CAST: variants seen among roughly 807,000 people sequenced by gnomAD.
CAST encodes the protein calpastatin.
A neutral mutation model predicts 119.6 loss-of-function variants in CAST; 76 were observed. The ratio of observed to expected loss-of-function variants is 0.64; its 90% confidence interval spans 0.53 to 0.77. The LOEUF (loss-of-function observed/expected upper bound fraction) is 0.77. Ranked by LOEUF, CAST falls within the 30% of genes least tolerant of loss-of-function variation. The pLI is 0.00. For synonymous variants in CAST, 319 were observed against 331.6 expected (o/e 0.96, Z 0.41); for missense variants, 953 against 946.5 (o/e 1.01, Z -0.09).
chr5:96,021,699 G>A, the CAST span, among the ~76,000 whole-genome samples: 1 of 151,994 alleles, frequency 6.6e-6, no homozygotes, highest in Non-Finnish European at 1.5e-5. Context: ...TCCCTCCTTG[G>A]CCTCCCAAAG....
At chr5:96,338,619 T>C in the CAST span, among the ~76,000 whole-genome samples, 6,179 of 152,240 alleles carry the variant, frequency 0.041, 432 homozygotes, top group African/African-American at 0.14. Context: ...TAAGTAGAAA[T>C]GTGATTTGGT....
chr5:96,018,202 CA>C, the CAST span, among the ~76,000 whole-genome samples: 5 of 152,274 alleles, frequency 3.3e-5, no homozygotes, highest in South Asian at 8.3e-4. Context: ...AAGTTGAACA[CA>C]TTCAACTTTT....
the CAST span, among the ~76,000 whole-genome samples, chr5:96,349,332 C>A: frequency 6.6e-6 from 1 of 151,588 alleles, no homozygotes; most frequent in Non-Finnish European, 1.5e-5. Context: ...TCACCATTTT[C>A]CTGTGATTAT....
rs77924816 is a variant in CAST, at chr5:96,723,873, A to G, written c.270+1175A>G. On this transcript the variant is annotated intron_variant, in intron 4 of 31. Coordinates refer to ENST00000675179, the MANE Select transcript of CAST (RefSeq NM_001750.7). ...TTTGTTTTCTGTCTTTCATATTACTATGCTATCCCTGTAGTTTCCTATCCC... is the reference window on the plus strand; with the variant it reads ...TTTGTTTTCTGTCTTTCATATTACTGTGCTATCCCTGTAGTTTCCTATCCC... 1.9e-3 allele frequency among the ~76,000 whole-genome samples: 288 copies of G among 152,318 alleles called. 1 individual carries two copies. The highest frequency in any genetic ancestry group is 3.4e-3 in the Non-Finnish European group (234 of 68,032).
chr5:96,704,419 A>C (rs942692452), intron 3 of CAST, among the ~76,000 whole-genome samples: 1 of 152,276 alleles, frequency 6.6e-6, no homozygotes, highest in African/African-American at 2.4e-5. Flanking sequence ...GAATGAAACC[A>C]GAAAGAAAAA....
At chr5:96,359,736 C>G in the CAST span, among the ~76,000 whole-genome samples, 1 of 152,148 alleles carries the variant, frequency 6.6e-6, no homozygotes, top group Non-Finnish European at 1.5e-5. Context: ...TTGTGGGTAA[C>G]CTGACCTTTC....
the CAST span, among the ~76,000 whole-genome samples, chr5:96,465,378 T>C: frequency 6.6e-6 from 1 of 152,146 alleles, no homozygotes; most frequent in South Asian, 2.1e-4. Context: ...TTATTTTTTA[T>C]TCTTACACCT....
At chr5:96,645,031 C>A (rs1032123484) in intron 1 of CAST, among the ~76,000 whole-genome samples, 1 of 152,170 alleles carries the variant, frequency 6.6e-6, no homozygotes, top group African/African-American at 2.4e-5. Flanking sequence ...ATTTATTATT[C>A]CACTAATTCC....
At chr5:96,707,568 G>A (rs1040430637) in intron 3 of CAST, among the ~76,000 whole-genome samples, 2 of 151,982 alleles carry the variant, frequency 1.3e-5, no homozygotes, top group Non-Finnish European at 2.9e-5. Context: ...TGTATTTTTA[G>A]TAGAGACGGG....
At chr5:96,652,080 T>C (rs1748102046) in intron 1 of CAST, among the ~76,000 whole-genome samples, 1 of 152,162 alleles carries the variant, frequency 6.6e-6, no homozygotes, top group African/African-American at 2.4e-5. Flanking sequence ...ACAACTGGGA[T>C]TCAAATCCAT....
chr5:96,265,686 T>A, the CAST span, among the ~76,000 whole-genome samples: 1,222 of 152,266 alleles, frequency 8.0e-3, 22 homozygotes, highest in African/African-American at 0.027. Context: ...AGAAGTAATG[T>A]TTTACCAGTT....
the CAST span, among the ~76,000 whole-genome samples, chr5:96,125,660 G>A: frequency 6.6e-6 from 1 of 152,110 alleles, no homozygotes; most frequent in African/African-American, 2.4e-5. Flanking sequence ...AACTTAAAAT[G>A]GTACACTCAG....
intron 4 of CAST, among the ~76,000 whole-genome samples, chr5:96,725,298 G>A (rs1056144197): frequency 3.3e-5 from 5 of 152,128 alleles, no homozygotes; most frequent in African/African-American, 1.2e-4. Context: ...GGTGATAATA[G>A]TACCTGCCTC....
At chr5:96,455,528 TTTGCTACTTAG>T in the CAST span, among the ~76,000 whole-genome samples, 1 of 152,216 alleles carries the variant, frequency 6.6e-6, no homozygotes, top group Admixed American at 6.5e-5. Flanking sequence ...AGGAAATCCA[TTTGCTACTTAG>T]TTGCAACAGC....
chr5:96,189,859 G>A, the CAST span, among the ~76,000 whole-genome samples: 5,571 of 152,030 alleles, frequency 0.037, 368 homozygotes, highest in African/African-American at 0.13. Context: ...AGTCAAATTC[G>A]AATTGTTTAG....
At chr5:96,384,405 C>T in the CAST span, among the ~76,000 whole-genome samples, 3 of 152,204 alleles carry the variant, frequency 2.0e-5, no homozygotes, top group Non-Finnish European at 4.4e-5. Flanking sequence ...TAAACGAAAG[C>T]TGTCCTTGAC....
chr5:96,063,843 G>A, the CAST span, among the ~76,000 whole-genome samples: 12 of 152,156 alleles, frequency 7.9e-5, no homozygotes, highest in African/African-American at 2.4e-4. Flanking sequence ...TACTGTCAAA[G>A]GTGAGATTTG....
chr5:96,040,582 AG>A, the CAST span, among the ~76,000 whole-genome samples: 2 of 152,156 alleles, frequency 1.3e-5, no homozygotes, highest in Non-Finnish European at 1.5e-5. Context: ...TTTAGCATGA[AG>A]GGCTGTTAAA....
the CAST span, among the ~76,000 whole-genome samples, chr5:96,074,524 A>G: frequency 6.6e-6 from 1 of 152,234 alleles, no homozygotes; most frequent in Non-Finnish European, 1.5e-5. Context: ...CCCTTATCTC[A>G]GACTTCCAGC....
Sources: gnomAD v4.1 joint callset for allele counts (sites outside exome capture counted in the v4.1 genomes callset) on GRCh38, gnomAD v4.1.1 for gene constraint, MANE v1.5 for transcripts, NCBI Gene and HGNC (gene_info 2026-07-23, HGNC 2026-07-21) for gene names.